ANKRD30A: variants seen among roughly 807,000 people sequenced by gnomAD.
ANKRD30A encodes ankyrin repeat domain-containing protein 30A.
Under a neutral mutation model 166.3 loss-of-function variants are expected in ANKRD30A, and 170 were observed. That is an observed-to-expected ratio of 1.02 (90% confidence interval 0.90 to 1.16). The LOEUF (loss-of-function observed/expected upper bound fraction) is 1.16. Among genes scored for constraint, ANKRD30A ranks in the 50% most tolerant of loss-of-function variants. ANKRD30A has a pLI of 0.00. For synonymous variants in ANKRD30A, 564 were observed against 508.9 expected (o/e 1.11, Z -1.46); for missense variants, 1,630 against 1,518.0 (o/e 1.07, Z -1.23).
At chr10:37,255,405 A>C in the ANKRD30A span, among the ~76,000 whole-genome samples, 1 of 152,170 alleles carries the variant, frequency 6.6e-6, no homozygotes, top group Non-Finnish European at 1.5e-5. Context: ...GTACTCTGTA[A>C]ATATATACAA....
intron 18 of ANKRD30A, among the ~76,000 whole-genome samples, chr10:37,166,123 C>A (rs184405421): frequency 1.6e-3 from 247 of 152,226 alleles, no homozygotes; most frequent in African/African-American, 5.7e-3. Flanking sequence ...TACATACATT[C>A]TATGACAGAC....
chr10:37,261,245 C>T, the ANKRD30A span, among the ~76,000 whole-genome samples: 3 of 152,062 alleles, frequency 2.0e-5, no homozygotes, highest in African/African-American at 7.2e-5. Flanking sequence ...CTTGAAAAAA[C>T]AAGACAAGAC....
At chr10:37,229,364 G>T (rs533195643) in intron 34 of ANKRD30A, among the ~76,000 whole-genome samples, 1 of 151,774 alleles carries the variant, frequency 6.6e-6, no homozygotes, top group Non-Finnish European at 1.5e-5. Context: ...TATATTTTTA[G>T]TTGACATGTA....
In ANKRD30A at chr10:37,142,020, C is replaced by G. The variant is rs879215737; in HGVS notation, c.1123C>G (p.Pro375Ala). 1.2e-6 allele frequency: 2 copies of G among 1,602,430 alleles called. No individual in the cohort carries two copies. Among genetic ancestry groups the G allele is most frequent in the Non-Finnish European group, 1.7e-6 (2 of 1,175,584 alleles). ...AGAAACATCTGAGAAATTTACGTGGCCAGCAAAAGGAAGACCTAGGAAGAT... is the reference window on the plus strand; with the variant it reads ...AGAAACATCTGAGAAATTTACGTGGGCAGCAAAAGGAAGACCTAGGAAGAT... ...AKETSEKFTW[P>A]AKGRPRKIAW... Residue 375 changes from proline (P) to alanine (A), a missense_variant, in exon 7 of 36, where the codon CCA (proline) becomes GCA (alanine). Transcript: ENST00000361713.
At chr10:37,243,529 A>C in the ANKRD30A span, among the ~76,000 whole-genome samples, 2 of 152,090 alleles carry the variant, frequency 1.3e-5, no homozygotes, top group Non-Finnish European at 2.9e-5. Flanking sequence ...GGTCAATTGC[A>C]TTTGTAACTC....
the ANKRD30A span, among the ~76,000 whole-genome samples, chr10:37,238,230 A>G: frequency 1.3e-5 from 2 of 152,174 alleles, no homozygotes; most frequent in Admixed American, 6.5e-5. Context: ...TTTGTGGGGT[A>G]AAGTGTTCAA....
At chr10:37,200,547 TAGAC>T (rs1211502081) in intron 30 of ANKRD30A, among the ~76,000 whole-genome samples, 1 of 152,070 alleles carries the variant, frequency 6.6e-6, no homozygotes, top group African/African-American at 2.4e-5. Flanking sequence ...TGGAAGTCAA[TAGAC>T]AGGTAGATTT....
chr10:37,250,772 G>A, the ANKRD30A span, among the ~76,000 whole-genome samples: 1 of 152,178 alleles, frequency 6.6e-6, no homozygotes, highest in Non-Finnish European at 1.5e-5. Context: ...AAATCTGCCA[G>A]TTCCTTCATC....
At chr10:37,136,807 G>A (rs1836714602) in intron 6 of ANKRD30A, 136 bp downstream of exon 6, 1 of 331,096 alleles carries the variant, frequency 3.0e-6, no homozygotes, top group East Asian at 5.0e-5. Context: ...GGGTGTGGGT[G>A]TGTGTATGTG....
chr10:37,129,285 T>C (rs746524663), intron 1 of ANKRD30A, among the ~76,000 whole-genome samples: 4 of 152,178 alleles, frequency 2.6e-5, no homozygotes, highest in Non-Finnish European at 4.4e-5. Flanking sequence ...ATAGTTGTAA[T>C]AAATAATGAA....
At chr10:37,247,512 CAT>C in the ANKRD30A span, among the ~76,000 whole-genome samples, 17 of 151,902 alleles carry the variant, frequency 1.1e-4, no homozygotes, top group African/African-American at 3.6e-4. Context: ...TTAATGGACA[CAT>C]AGAGAGGAAC....
At chr10:37,194,959 T>G (rs144420298) in intron 27 of ANKRD30A, among the ~76,000 whole-genome samples, 2 of 152,116 alleles carry the variant, frequency 1.3e-5, no homozygotes, top group African/African-American at 2.4e-5. Context: ...CTTTCCAATA[T>G]GCATTACAAC....
chr10:37,156,449 A>G (rs946964104), intron 13 of ANKRD30A, among the ~76,000 whole-genome samples: 10 of 152,338 alleles, frequency 6.6e-5, no homozygotes, highest in African/African-American at 2.4e-4. Flanking sequence ...AGGGATGATC[A>G]GATCACAATT....
intron 31 of ANKRD30A, among the ~76,000 whole-genome samples, chr10:37,211,493 A>G (rs911490187): frequency 7.2e-5 from 11 of 152,104 alleles, no homozygotes; most frequent in African/African-American, 2.7e-4. Context: ...ATAGTATTCC[A>G]TGGTGTATAT....
intron 5 of ANKRD30A, 26 bp downstream of exon 5, chr10:37,134,079 G>C (rs955009485): frequency 9.9e-6 from 16 of 1,610,254 alleles, no homozygotes; most frequent in African/African-American, 1.3e-5. Context: ...TAGAGGCTAG[G>C]TGAGATTTTA....
intron 12 of ANKRD30A, 114 bp downstream of exon 12, chr10:37,152,235 T>C (rs1838005258): frequency 1.1e-6 from 1 of 874,608 alleles, no homozygotes; most frequent in African/African-American, 1.7e-5. Flanking sequence ...CGAAATTATT[T>C]TTGATATTTT....
the ANKRD30A span, among the ~76,000 whole-genome samples, chr10:37,240,623 A>T: frequency 6.6e-6 from 1 of 152,160 alleles, no homozygotes; most frequent in African/African-American, 2.4e-5. Flanking sequence ...TAGACTACAT[A>T]GAATTTCACA....
chr10:37,255,022 A>G, the ANKRD30A span, among the ~76,000 whole-genome samples: 7 of 152,188 alleles, frequency 4.6e-5, no homozygotes, highest in South Asian at 1.2e-3. Context: ...TGAAGGACAA[A>G]TGTTCTAATT....
chr10:37,263,668 C>T, the ANKRD30A span, among the ~76,000 whole-genome samples: 44 of 152,114 alleles, frequency 2.9e-4, no homozygotes, highest in African/African-American at 1.0e-3. Context: ...GTGGGAATGC[C>T]AGTGATAGGG....
Sources: gnomAD v4.1 joint callset for allele counts (sites outside exome capture counted in the v4.1 genomes callset) on GRCh38, gnomAD v4.1.1 for gene constraint, MANE v1.5 for transcripts, NCBI Gene and HGNC (gene_info 2026-07-23, HGNC 2026-07-21) for gene names.